GRID2: variants seen among roughly 807,000 people sequenced by gnomAD.
GRID2 encodes glutamate receptor ionotropic, delta-2.
GRID2 carries 33 observed loss-of-function variants against 114.8 expected under a neutral mutation model. That is an observed-to-expected ratio of 0.29 (90% CI 0.22 to 0.38). The LOEUF is 0.38. GRID2 is among the 10% of genes least tolerant of loss of function. GRID2 has a pLI of 1.00. For synonymous variants in GRID2, 505 were observed against 449.9 expected, an observed-to-expected ratio of 1.12 and a Z score of -1.55; for missense variants, 1,184 against 1,257.7, an observed-to-expected ratio of 0.94 and a Z score of 0.89.
At chr4:92,596,034 C>G (rs1728936614) in intron 2 of GRID2, among the ~76,000 whole-genome samples, 1 of 152,136 alleles carries the variant, frequency 6.6e-6, no homozygotes, top group African/African-American at 2.4e-5. Context: ...ACTTCTTACA[C>G]TGGATTCTGC....
chr4:92,900,921 CTGAG>C (rs1747536578), intron 2 of GRID2, among the ~76,000 whole-genome samples: 1 of 85,956 alleles, frequency 1.2e-5, no homozygotes, highest in African/African-American at 5.2e-5. Flanking sequence ...TGTTTTATGA[CTGAG>C]TAGTATTCGT....
intron 8 of GRID2, among the ~76,000 whole-genome samples, chr4:93,301,821 T>C (rs1754900064): frequency 6.6e-6 from 1 of 152,208 alleles, no homozygotes; most frequent in South Asian, 2.1e-4. Flanking sequence ...GTTGTTGTTT[T>C]GAAATGTGTT....
At chr4:93,402,263 T>C (rs574024212) in intron 9 of GRID2, among the ~76,000 whole-genome samples, 60 of 152,254 alleles carry the variant, frequency 3.9e-4, no homozygotes, top group African/African-American at 1.4e-3. Context: ...TACTAGTTTT[T>C]CTGCTTAATT....
chr4:92,578,782 G>T (rs911085033), intron 1 of GRID2, among the ~76,000 whole-genome samples: 1 of 143,354 alleles, frequency 7.0e-6, no homozygotes, highest in Non-Finnish European at 1.5e-5. Context: ...TTGAATTCTT[G>T]TAATTACCAT....
chr4:93,702,983 G>A (rs901984252), intron 14 of GRID2, among the ~76,000 whole-genome samples: 2 of 151,914 alleles, frequency 1.3e-5, no homozygotes, highest in African/African-American at 4.8e-5. Flanking sequence ...AACTGTACTA[G>A]GAGGTGATAT....
chr4:92,343,042 G>A (rs10009241), intron 1 of GRID2, among the ~76,000 whole-genome samples: 26,343 of 152,032 alleles, frequency 0.17, 3,207 homozygotes, highest in African/African-American at 0.35. Flanking sequence ...ATTCCCTATA[G>A]TCCTATGGGG....
chr4:93,666,396 G>A lies in GRID2; in HGVS notation c.2360+39961G>A, dbSNP rs149640868. 7.6e-3 allele frequency among the ~76,000 whole-genome samples: 1,162 copies of A among 152,080 alleles called. 3 individuals are homozygous for A. The highest frequency in any genetic ancestry group is 0.012 in the Non-Finnish European group (840 of 67,926). ...TAATATTCTATATGATAAATGCTAC[G>A]GTAGTGATATTTTTCAGAGAGGTAT... On this transcript the variant is annotated intron_variant, in intron 14 of 15. Coordinates refer to ENST00000282020, the MANE Select transcript of GRID2 (RefSeq NM_001510.4).
At chr4:92,421,942 A>G (rs1731930335) in intron 1 of GRID2, among the ~76,000 whole-genome samples, 1 of 152,136 alleles carries the variant, frequency 6.6e-6, no homozygotes, top group East Asian at 1.9e-4. Context: ...TTCTAGTGGT[A>G]GAGTCAGAAA....
intron 1 of GRID2, among the ~76,000 whole-genome samples, chr4:93,800,198 A>G (rs1734900776): frequency 6.6e-6 from 1 of 152,234 alleles, no homozygotes; most frequent in African/African-American, 2.4e-5. Flanking sequence ...AGTAAAATAT[A>G]TGATATGACA....
intron 4 of GRID2, among the ~76,000 whole-genome samples, chr4:93,152,645 C>T (rs528685732): frequency 6.6e-5 from 10 of 152,064 alleles, no homozygotes; most frequent in Non-Finnish European, 1.3e-4. Flanking sequence ...TGATACCAAC[C>T]CTTCATTGTC....
At chr4:93,652,615 T>A (rs72873038) in intron 14 of GRID2, among the ~76,000 whole-genome samples, 18,566 of 151,716 alleles carry the variant, frequency 0.12, 1,187 homozygotes, top group Middle Eastern at 0.14. Flanking sequence ...CTCCATAATG[T>A]TCATACCATG....
At chr4:92,920,850 A>T in intron 2 of GRID2, among the ~76,000 whole-genome samples, 1 of 152,002 alleles carries the variant, frequency 6.6e-6, no homozygotes, top group Admixed American at 6.5e-5. Flanking sequence ...CTCAAGGATT[A>T]TCTTTGTGGT....
chr4:92,428,687 C>A (rs1027231432), intron 1 of GRID2, among the ~76,000 whole-genome samples: 2 of 152,080 alleles, frequency 1.3e-5, no homozygotes, highest in African/African-American at 2.4e-5. Context: ...AGAAATTAAA[C>A]ACATGGATGT....
In GRID2 at chr4:93,066,188, A is replaced by G. The variant is rs1019973710; in HGVS notation, c.245-18807A>G. On this transcript the variant is annotated intron_variant, in intron 2 of 15. Transcript: ENST00000282020. Reference sequence around the variant, plus strand: ...TATACACTGACCAAATGTCATTATCAAAATGGTATTTGTTCTCCCTTTTTA... The same window carrying G: ...TATACACTGACCAAATGTCATTATCGAAATGGTATTTGTTCTCCCTTTTTA... Among the ~76,000 whole-genome samples the G allele has an allele frequency of 2.0e-5, 3 of 152,110 alleles. No individual in the cohort carries two copies. The East Asian group carries it at 5.8e-4, about 29-fold the overall frequency.
At chr4:92,464,755 T>C (rs923829570) in intron 1 of GRID2, among the ~76,000 whole-genome samples, 1 of 152,124 alleles carries the variant, frequency 6.6e-6, no homozygotes, top group Admixed American at 6.6e-5. Context: ...AAAGGATTTA[T>C]AAAAGATAGC....
At chr4:93,285,906 C>A (rs1268215882) in intron 8 of GRID2, among the ~76,000 whole-genome samples, 1 of 151,876 alleles carries the variant, frequency 6.6e-6, no homozygotes, top group Non-Finnish European at 1.5e-5. Flanking sequence ...ACAAAGACAT[C>A]TTTCAAAATC....
At chr4:92,960,887 A>G (rs1200746504) in intron 2 of GRID2, among the ~76,000 whole-genome samples, 1 of 151,218 alleles carries the variant, frequency 6.6e-6, no homozygotes, top group East Asian at 1.9e-4. Flanking sequence ...TCTTCTTTTT[A>G]TCTTAGCATA....
chr4:93,274,800 T>G (rs1751869172), intron 8 of GRID2, among the ~76,000 whole-genome samples: 1 of 152,088 alleles, frequency 6.6e-6, no homozygotes, highest in Non-Finnish European at 1.5e-5. Flanking sequence ...AGACATCATG[T>G]ACGTGTCACA....
At chr4:93,294,039 A>T (rs1754028155) in intron 8 of GRID2, among the ~76,000 whole-genome samples, 5 of 152,160 alleles carry the variant, frequency 3.3e-5, no homozygotes. Context: ...GAAAGTCATT[A>T]TAATTTTGAC....
Sources: gnomAD v4.1 joint callset for allele counts (sites outside exome capture counted in the v4.1 genomes callset) on GRCh38, gnomAD v4.1.1 for gene constraint, MANE v1.5 for transcripts, NCBI Gene and HGNC (gene_info 2026-07-23, HGNC 2026-07-21) for gene names.